Variants in CCDC144A observed in about 807,000 individuals in gnomAD.
CCDC144A encodes coiled-coil domain containing 144A.
Under a neutral mutation model 143.8 loss-of-function variants are expected in CCDC144A, and 41 were observed. That is an observed-to-expected ratio of 0.29 (90% CI 0.22 to 0.37). The LOEUF (loss-of-function observed/expected upper bound fraction) is 0.37, where lower values mean the gene tolerates loss of function less well. CCDC144A is among the 10% of genes least tolerant of loss of function. CCDC144A has a pLI of 1.00. For missense variants in CCDC144A, 637 were observed against 1,488.8 expected, an observed-to-expected ratio of 0.43 and a Z score of 9.41; for synonymous variants, 242 against 517.9, an observed-to-expected ratio of 0.47 and a Z score of 7.23.
At chr17:16,719,109 C>T (rs1277832656) in intron 6 of CCDC144A, among the ~76,000 whole-genome samples, 3 of 151,174 alleles carry the variant, frequency 2.0e-5, no homozygotes, top group East Asian at 3.9e-4. Flanking sequence ...AGATTACAGG[C>T]GTGAGCCACT....
intron 16 of CCDC144A, among the ~76,000 whole-genome samples, chr17:16,773,148 A>G (rs1378322602): frequency 8.6e-5 from 13 of 151,912 alleles, no homozygotes; most frequent in Non-Finnish European, 1.8e-4. Flanking sequence ...ACTATGAAAT[A>G]TATAGAATAT....
At chr17:16,732,861 A>G (rs1462520418) in intron 11 of CCDC144A, among the ~76,000 whole-genome samples, 195 bp downstream of exon 11, 1 of 149,828 alleles carries the variant, frequency 6.7e-6, no homozygotes, top group Non-Finnish European at 1.5e-5. Context: ...TCTTAATTCA[A>G]CTCCATTTGT....
chr17:16,690,104 A>G, upstream of CCDC144A: 1 of 247,138 alleles, frequency 4.0e-6, no homozygotes, highest in East Asian at 8.2e-5. Context: ...GGGAGGCTGG[A>G]GCTGCAGCGC....
In CCDC144A at chr17:16,738,429, C is replaced by T. The variant is rs1416283144; in HGVS notation, c.3372+2786C>T. 2.1e-5 allele frequency among the ~76,000 whole-genome samples: 3 copies of T among 143,448 alleles called. No homozygotes were observed. The East Asian group carries it at 6.0e-4, about 29-fold the overall frequency. The allele number at this position is 143,448 out of a possible 152,430, so 94.1% of individuals were successfully genotyped here. On this transcript the variant is annotated intron_variant, in intron 12 of 16. Transcript: ENST00000399273. ...TATATTCACAGAGTTGCATAACCAT[C>T]ACCATCATCAATTGTAGGACATTTT...
In CCDC144A at chr17:16,711,150, A is replaced by AAAAAAAAAAAAAAG. The variant is rs1567589760; in HGVS notation, c.1579-521_1579-520insAAAAAGAAAAAAAA. Among the ~76,000 whole-genome samples the AAAAAAAAAAAAAAG allele has an allele frequency of 3.5e-5, 5 of 141,030 alleles. No homozygotes were observed. The Admixed American group carries it at 3.7e-4, about 10-fold the overall frequency. 92.5% of individuals were successfully genotyped at this position (141,030 alleles called of 152,430 possible). A position where few individuals can be genotyped will look rare whatever the true frequency, so the allele number is the denominator to read the frequency against. On this transcript the variant is annotated intron_variant, in intron 5 of 16. Coordinates refer to ENST00000399273, the MANE Select transcript of CCDC144A (RefSeq NM_001382000.1). ...AGGATTCAAATGAAAAAAAAAAAAA[A>AAAAAAAAAAAAAAG]AAAAAAAACAAAAGTTAGTGGGGGA... is the stretch of plus-strand genomic sequence containing the variant.
chr17:16,710,989 CT>C (rs1912373034), intron 5 of CCDC144A, among the ~76,000 whole-genome samples: 1 of 147,304 alleles, frequency 6.8e-6, no homozygotes, highest in Non-Finnish European at 1.5e-5. Flanking sequence ...CAGCTATAAA[CT>C]TTTATGGCTA....
At chr17:16,719,232 C>A (rs1003543223) in intron 6 of CCDC144A, among the ~76,000 whole-genome samples, 67 of 151,926 alleles carry the variant, frequency 4.4e-4, no homozygotes, top group African/African-American at 1.6e-3. Context: ...TTGCCATCAG[C>A]ATGTATTGTG....
intron 6 of CCDC144A, among the ~76,000 whole-genome samples, chr17:16,716,531 A>G (rs1486310651): frequency 6.6e-6 from 1 of 152,224 alleles, no homozygotes; most frequent in African/African-American, 2.4e-5. Flanking sequence ...AATTTACCAA[A>G]TTATTTTATT....
intron 2 of CCDC144A, chr17:16,695,316 A>G (rs1264338038): frequency 6.6e-6 from 1 of 152,210 alleles, no homozygotes. Flanking sequence ...GGGCCAGCAC[A>G]GTGGTGCATG....
intron 2 of CCDC144A, among the ~76,000 whole-genome samples, chr17:16,700,627 A>G (rs1911681170): frequency 6.6e-6 from 1 of 152,146 alleles, no homozygotes; most frequent in African/African-American, 2.4e-5. Context: ...CCCTGAGTAA[A>G]TTTTTGGTGT....
At chr17:16,740,025 C>G (rs1914190083) in intron 12 of CCDC144A, among the ~76,000 whole-genome samples, 4 of 151,902 alleles carry the variant, frequency 2.6e-5, no homozygotes, top group South Asian at 2.1e-4. Flanking sequence ...GTGCCTCTCT[C>G]TTCATTCCCA....
intron 12 of CCDC144A, among the ~76,000 whole-genome samples, chr17:16,740,688 T>G (rs1162042759): frequency 1.3e-5 from 2 of 152,148 alleles, no homozygotes; most frequent in Non-Finnish European, 2.9e-5. Flanking sequence ...ACTGATTCCA[T>G]AATATTTTGT....
At chr17:16,742,161 A>G (rs1012422879) in intron 12 of CCDC144A, among the ~76,000 whole-genome samples, 4 of 151,900 alleles carry the variant, frequency 2.6e-5, no homozygotes, top group Non-Finnish European at 5.9e-5. Context: ...CATTCCTCCT[A>G]TGTAACTGTA....
chr17:16,673,487 A>G, the CCDC144A span, among the ~76,000 whole-genome samples: 1 of 151,676 alleles, frequency 6.6e-6, no homozygotes, highest in Non-Finnish European at 1.5e-5. Context: ...CCTGGGTTCA[A>G]GCGATTCTCC....
intron 1 of CCDC144A, 150 bp downstream of exon 1, chr17:16,690,894 C>G (rs1209166016): frequency 4.6e-6 from 3 of 655,588 alleles, no homozygotes; most frequent in African/African-American, 1.8e-5. Context: ...AGGATTATTA[C>G]TATTGCAAAA....
intron 3 of CCDC144A, chr17:16,706,244 GCTACCA>G (rs1467392400): frequency 6.8e-6 from 1 of 147,954 alleles, no homozygotes; most frequent in Non-Finnish European, 1.5e-5. Flanking sequence ...GTCCACATGA[GCTACCA>G]CCTTGCGTTA....
At chr17:16,680,310 C>T in the CCDC144A span, among the ~76,000 whole-genome samples, 30 of 151,800 alleles carry the variant, frequency 2.0e-4, 2 homozygotes, top group Non-Finnish European at 1.5e-5. Flanking sequence ...TACCTGTAGT[C>T]CCAGTTACTT....
intron 9 of CCDC144A, 100 bp downstream of exon 9, chr17:16,727,840 C>T (rs1395008716): frequency 1.7e-6 from 2 of 1,157,604 alleles, no homozygotes; most frequent in African/African-American, 3.7e-5. Flanking sequence ...GGGGGAGAAA[C>T]CTTTTTGGTC....
chr17:16,759,406 C>T (rs1915254122), intron 12 of CCDC144A, among the ~76,000 whole-genome samples: 1 of 152,140 alleles, frequency 6.6e-6, no homozygotes, highest in Non-Finnish European at 1.5e-5. Context: ...GTGAGTCGAA[C>T]CATGCTAAGT....
Sources: gnomAD v4.1 joint callset for allele counts (sites outside exome capture counted in the v4.1 genomes callset) on GRCh38, gnomAD v4.1.1 for gene constraint, MANE v1.5 for transcripts, NCBI Gene and HGNC (gene_info 2026-07-23, HGNC 2026-07-21) for gene names.